Variants in AUTS2 observed in about 807,000 individuals in gnomAD.
The protein encoded by AUTS2 is autism susceptibility gene 2 protein.
Under a neutral mutation model 112.4 loss-of-function variants are expected in AUTS2, and 17 were observed. That is an observed-to-expected ratio of 0.15 (90% CI 0.10 to 0.23). The LOEUF is 0.23. Among genes scored for constraint, AUTS2 ranks in the 10% least tolerant of loss-of-function variants. The pLI, the probability that AUTS2 is intolerant of heterozygous loss-of-function variation, is 1.00. For missense variants in AUTS2, 1,510 were observed against 1,701.6 expected, an observed-to-expected ratio of 0.89 and a Z score of 1.98; for synonymous variants, 751 against 702.7, an observed-to-expected ratio of 1.07 and a Z score of -1.09.
chr7:69,878,742 G>A lies in AUTS2; in HGVS notation c.310-20544G>A, dbSNP rs148324917. Among the ~76,000 whole-genome samples the A allele has an allele frequency of 1.4e-3, 220 of 152,304 alleles. 1 individual carries two copies. The highest frequency in any genetic ancestry group is 2.7e-3 in the Admixed American group (42 of 15,298). On this transcript the variant is annotated intron_variant, in intron 1 of 18. Transcript: ENST00000342771. ...AGCAGTACATTTTTAACTAGGAAGA[G>A]CATCAATTATGTATTAGCCACGATA... is the stretch of plus-strand genomic sequence containing the variant.
intron 4 of AUTS2, among the ~76,000 whole-genome samples, chr7:70,286,440 A>G (rs759871798): frequency 6.6e-6 from 1 of 152,240 alleles, no homozygotes; most frequent in African/African-American, 2.4e-5. Context: ...GTATTCTAAA[A>G]CATAAAACAA....
At chr7:70,634,927 A>G (rs550819495) in intron 5 of AUTS2, among the ~76,000 whole-genome samples, 8 of 152,276 alleles carry the variant, frequency 5.3e-5, no homozygotes, top group Non-Finnish European at 7.3e-5. Flanking sequence ...GTTAGCAGAC[A>G]TGGTCCTTGG....
chr7:70,074,801 C>T (rs1802950137), intron 2 of AUTS2, among the ~76,000 whole-genome samples: 1 of 152,186 alleles, frequency 6.6e-6, no homozygotes, highest in South Asian at 2.1e-4. Context: ...GGCTCAGAGG[C>T]CATGACCTGC....
chr7:70,195,876 A>G (rs1400387615), intron 4 of AUTS2, among the ~76,000 whole-genome samples: 1 of 152,202 alleles, frequency 6.6e-6, no homozygotes, highest in Non-Finnish European at 1.5e-5. Flanking sequence ...CTGCCTGTTA[A>G]CTACTACAAA....
intron 4 of AUTS2, among the ~76,000 whole-genome samples, chr7:70,415,388 A>G (rs1794947482): frequency 6.6e-6 from 1 of 152,242 alleles, no homozygotes; most frequent in South Asian, 2.1e-4. Flanking sequence ...CTGATGGAAT[A>G]CATGTGTAAG....
At chr7:69,743,592 T>A (rs1464088502) in intron 1 of AUTS2, among the ~76,000 whole-genome samples, 1 of 152,178 alleles carries the variant, frequency 6.6e-6, no homozygotes, top group African/African-American at 2.4e-5. Flanking sequence ...ATATAGGATA[T>A]TTCTGTCACC....
intron 1 of AUTS2, among the ~76,000 whole-genome samples, chr7:69,812,978 C>G (rs1436651572): frequency 6.6e-6 from 1 of 152,120 alleles, no homozygotes; most frequent in Non-Finnish European, 1.5e-5. Flanking sequence ...TACTTTAGAT[C>G]ATATCACTCC....
chr7:69,940,420 C>A (rs1796583030), intron 2 of AUTS2, among the ~76,000 whole-genome samples: 1 of 152,140 alleles, frequency 6.6e-6, no homozygotes, highest in Non-Finnish European at 1.5e-5. Context: ...ACTATTCCAA[C>A]ATGTGTAGTG....
chr7:70,519,946 AT>A (rs1430261885), intron 5 of AUTS2, among the ~76,000 whole-genome samples: 4 of 152,238 alleles, frequency 2.6e-5, no homozygotes, highest in African/African-American at 9.6e-5. Flanking sequence ...TTTATGTATC[AT>A]AAAGTTGACC....
intron 2 of AUTS2, among the ~76,000 whole-genome samples, chr7:69,952,137 T>A (rs78889460): frequency 0.029 from 4,381 of 152,282 alleles, 110 homozygotes; most frequent in Middle Eastern, 0.068. Context: ...CAAGGGCTAA[T>A]ATTTATATTT....
At chr7:69,726,606 C>G in intron 1 of AUTS2, among the ~76,000 whole-genome samples, 1 of 150,828 alleles carries the variant, frequency 6.6e-6, no homozygotes, top group East Asian at 2.0e-4. Context: ...GTATGTTTAA[C>G]TTTATAAGAA....
intron 4 of AUTS2, among the ~76,000 whole-genome samples, chr7:70,374,543 T>C (rs1031144569): frequency 6.6e-6 from 1 of 152,346 alleles, no homozygotes; most frequent in East Asian, 1.9e-4. Flanking sequence ...ACATTTAGTT[T>C]GATATGTAGT....
chr7:69,798,594 T>TA (rs1362171768), intron 1 of AUTS2, among the ~76,000 whole-genome samples: 6 of 152,156 alleles, frequency 3.9e-5, no homozygotes, highest in Non-Finnish European at 2.9e-5. Context: ...AGTTATAAAA[T>TA]ATATGTAAGT....
intron 4 of AUTS2, among the ~76,000 whole-genome samples, chr7:70,296,183 AGTT>A (rs1788925921): frequency 6.6e-6 from 1 of 152,172 alleles, no homozygotes; most frequent in Non-Finnish European, 1.5e-5. Context: ...TTCCTGTCTT[AGTT>A]GTTGTAAGAG....
intron 1 of AUTS2, among the ~76,000 whole-genome samples, chr7:69,832,662 G>A (rs989999018): frequency 6.6e-6 from 1 of 152,206 alleles, no homozygotes; most frequent in Non-Finnish European, 1.5e-5. Context: ...AACAGGCTAA[G>A]AGAATAATTA....
At chr7:70,767,345 C>A (rs530359114) in intron 9 of AUTS2, among the ~76,000 whole-genome samples, 1 of 152,132 alleles carries the variant, frequency 6.6e-6, no homozygotes, top group East Asian at 1.9e-4. Context: ...GCCTTGTGAC[C>A]AGAAATATGT....
chr7:69,635,821 C>G (rs901616805), intron 1 of AUTS2, among the ~76,000 whole-genome samples: 1 of 152,250 alleles, frequency 6.6e-6, no homozygotes, highest in Non-Finnish European at 1.5e-5. Context: ...ACTGACATTT[C>G]TCTATTGCTT....
chr7:69,775,275 G>C (rs1005003717), intron 1 of AUTS2, among the ~76,000 whole-genome samples: 1 of 152,124 alleles, frequency 6.6e-6, no homozygotes, highest in Non-Finnish European at 1.5e-5. Context: ...CTGTTGCCTG[G>C]GCAGTCATGG....
chr7:70,478,213 A>G (rs1797654811), intron 5 of AUTS2, among the ~76,000 whole-genome samples: 3 of 152,192 alleles, frequency 2.0e-5, no homozygotes, highest in African/African-American at 7.2e-5. Context: ...GACGTGTTCA[A>G]TATCAAAAAT....
Sources: allele counts gnomAD v4.1 joint callset (sites outside exome capture counted in the v4.1 genomes callset), GRCh38; gene constraint gnomAD v4.1.1; transcripts MANE v1.5; gene names NCBI Gene and HGNC (gene_info 2026-07-23, HGNC 2026-07-21).